EXOC3: variants seen among roughly 807,000 people sequenced by gnomAD.
The protein encoded by EXOC3 is SEC6-like 1.
In EXOC3, 21 loss-of-function variants were observed where a neutral mutation model predicts 73.7. The observed-to-expected ratio is 0.29, with a 90% CI of 0.20 to 0.41. The LOEUF (loss-of-function observed/expected upper bound fraction) is 0.41, where lower values mean the gene tolerates loss of function less well. Ranked by LOEUF, EXOC3 falls within the 10% of genes least tolerant of loss-of-function variation. The pLI, the probability that EXOC3 is intolerant of heterozygous loss-of-function variation, is 1.00. For synonymous variants in EXOC3, 410 were observed against 389.1 expected (o/e 1.05, Z -0.63); for missense variants, 842 against 985.1 (o/e 0.85, Z 1.95).
intron 3 of EXOC3, among the ~76,000 whole-genome samples, chr5:450,031 A>C (rs1284088733): frequency 6.6e-6 from 1 of 152,206 alleles, no homozygotes; most frequent in Non-Finnish European, 1.5e-5. Flanking sequence ...GGATCACCTG[A>C]GGTCAGGAGT....
intron 7 of EXOC3, among the ~76,000 whole-genome samples, chr5:460,594 C>T (rs551409438): frequency 2.6e-5 from 4 of 151,850 alleles, no homozygotes; most frequent in South Asian, 2.1e-4. Flanking sequence ...AGGTCTTAGC[C>T]GAGTCCCCAC....
intron 1 of EXOC3, among the ~76,000 whole-genome samples, chr5:443,518 T>C (rs1326230586): frequency 6.6e-6 from 1 of 151,364 alleles, no homozygotes; most frequent in African/African-American, 2.4e-5. Flanking sequence ...GGCGTAGGTG[T>C]CCCCTTGGCA....
intron 10 of EXOC3, 24 bp from the exon 11 acceptor site, chr5:465,087 C>G: frequency 6.5e-7 from 1 of 1,531,148 alleles, no homozygotes; most frequent in Non-Finnish European, 8.8e-7. Flanking sequence ...TGGAGCCTGC[C>G]GCTGACCGCG....
Position 467,025 on chromosome 5 carries a change from AGT to A in EXOC3, c.*131_*132del. The A allele has an allele frequency of 1.0e-6, 1 of 983,314 alleles. No homozygotes were observed. Among genetic ancestry groups the A allele is most frequent in the Non-Finnish European group, 1.5e-6 (1 of 671,550 alleles). 60.9% of individuals were successfully genotyped at this position (983,314 alleles called of 1,614,324 possible). A position where few individuals can be genotyped will look rare whatever the true frequency, so the allele number is the denominator to read the frequency against. On this transcript the variant is annotated 3_prime_UTR_variant, in exon 13 of 13. Transcript: ENST00000512944. The stretch of plus-strand genomic sequence containing the variant: ...GCTGCACGGCCTGTCTTTAGGTGCC[AGT>A]GTGATGCACCGGGTGTGCGTCGAGT...
chr5:443,807 T>TC (rs376607917), intron 1 of EXOC3, among the ~76,000 whole-genome samples: 264 of 118,908 alleles, frequency 2.2e-3, no homozygotes, highest in Non-Finnish European at 3.2e-3. Flanking sequence ...CTTGACGGTG[T>TC]CCCCCCCCAG....
At chr5:450,788 T>C (rs529519985) in intron 3 of EXOC3, among the ~76,000 whole-genome samples, 3 of 150,306 alleles carry the variant, frequency 2.0e-5, no homozygotes, top group East Asian at 3.9e-4. Context: ...TCTTTGTGAC[T>C]AGTTTTTTTT....
chr5:443,936 G>GT (rs1370346055), intron 1 of EXOC3, among the ~76,000 whole-genome samples: 3 of 151,508 alleles, frequency 2.0e-5, no homozygotes, highest in African/African-American at 7.3e-5. Flanking sequence ...CAAGGTGCAG[G>GT]TGTCCTCCAA....
chr5:459,941 CTG>C (rs1353419910), intron 7 of EXOC3, among the ~76,000 whole-genome samples: 5 of 152,260 alleles, frequency 3.3e-5, no homozygotes, highest in Non-Finnish European at 7.3e-5. Flanking sequence ...GTTTAAAAAA[CTG>C]TGTTCACCCA....
chr5:452,600 G>A (rs988198869), intron 3 of EXOC3, among the ~76,000 whole-genome samples: 1 of 152,194 alleles, frequency 6.6e-6, no homozygotes, highest in Non-Finnish European at 1.5e-5. Context: ...TTTTGTTGTT[G>A]AAAAATGGAC....
chr5:447,456 C>CT (rs1737538741), intron 2 of EXOC3, 77 bp from the exon 3 acceptor site: 1 of 1,094,578 alleles, frequency 9.1e-7, no homozygotes, highest in East Asian at 2.7e-5. Flanking sequence ...CTTGACCCTC[C>CT]TGGGGAAGAT....
chr5:465,264 C>G lies in EXOC3; in HGVS notation c.1930C>G (p.Leu644Val). ...AEQLRFLFRK[L>V]ASGFGEDVDG... ...GCAGCTGCGCTTCCTGTTCCGGAAG[C>G]TGGCGTCCGTGAGTGTCGCGCAGGT... Residue 644 changes from leucine (L) to valine (V), a missense_variant, in exon 11 of 13, where the codon CTG (leucine) becomes GTG (valine). Physicochemically the swap from Leu to Val is conservative, Grantham distance 32. Coordinates refer to ENST00000512944, the MANE Select transcript of EXOC3 (RefSeq NM_007277.5). 1 of 1,583,044 alleles carries G rather than the reference C, an allele frequency of 6.3e-7. No individual in the cohort carries two copies. Among genetic ancestry groups the G allele is most frequent in the South Asian group, 1.2e-5 (1 of 86,570 alleles).
intron 1 of EXOC3, among the ~76,000 whole-genome samples, chr5:445,367 T>TG (rs914667026): frequency 6.6e-6 from 1 of 151,266 alleles, no homozygotes; most frequent in African/African-American, 2.4e-5. Context: ...TTTTTTTTTT[T>TG]GAGACGGAGT....
Position 465,165 on chromosome 5 carries a change from A to T in EXOC3, c.1831A>T (p.Met611Leu). 1 of 1,597,346 alleles carries T rather than the reference A, an allele frequency of 6.3e-7. No individual in the cohort carries two copies. Among genetic ancestry groups the T allele is most frequent in the Non-Finnish European group, 8.5e-7 (1 of 1,172,678 alleles). ...RVVVEYLRAV[M>L]QKRISFRSPE... is the part of the protein sequence containing the mutation. Reference sequence around the variant, plus strand: ...GGTGGTGGAGTACCTGCGGGCGGTCATGCAGAAGCGCATTTCCTTCCGGAG... The same window carrying T: ...GGTGGTGGAGTACCTGCGGGCGGTCTTGCAGAAGCGCATTTCCTTCCGGAG... The change falls in exon 11 of 13, where the codon ATG (methionine) becomes TTG (leucine). Residue 611 changes from methionine (M) to leucine (L), a missense_variant. Transcript: ENST00000512944.
intron 4 of EXOC3, among the ~76,000 whole-genome samples, chr5:456,643 C>T (rs1330042576): frequency 6.6e-6 from 1 of 152,122 alleles, no homozygotes; most frequent in Non-Finnish European, 1.5e-5. Context: ...AGCCCTCGGC[C>T]CCTGCCCTGC....
Position 467,141 on chromosome 5 carries a change from G to A in EXOC3, c.*243G>A. On this transcript the variant is annotated 3_prime_UTR_variant, in exon 13 of 13. Coordinates refer to ENST00000512944, the MANE Select transcript of EXOC3 (RefSeq NM_007277.5). ...CTCTGCCGCACAGCCTCTCTTGGGTGCTTGTTTGTTGCAGTGGTTGAAAGT... is the reference window on the plus strand; with the variant it reads ...CTCTGCCGCACAGCCTCTCTTGGGTACTTGTTTGTTGCAGTGGTTGAAAGT... 1.9e-6 allele frequency: 1 copy of A among 523,684 alleles called. No individual in the cohort carries two copies. Among genetic ancestry groups the A allele is most frequent in the African/African-American group, 1.9e-5 (1 of 52,922 alleles). The allele number at this position is 523,684 out of a possible 1,614,324, so 32.4% of individuals were successfully genotyped here.
In EXOC3 at chr5:464,394, TA is replaced by T; in HGVS notation, c.1763del (p.Lys588SerfsTer7). 1 of 1,613,772 alleles carries T rather than the reference TA, an allele frequency of 6.2e-7. No homozygotes were observed. The highest frequency in any genetic ancestry group is 8.5e-7 in the Non-Finnish European group (1 of 1,179,732). ...ACTATTTCAACGATTTTGCCAAAAT[TA>T]AAAAGCCGTATAAGAAGGTAAGAAG... ...EDYFNDFAKI[K>X]KPYKKRMTAE... is the part of the protein sequence containing the mutation. On this transcript the variant is annotated frameshift_variant, in exon 10 of 13. Transcript: ENST00000512944. LOFTEE classifies it high-confidence loss of function.
intron 4 of EXOC3, among the ~76,000 whole-genome samples, chr5:454,980 A>T (rs538436164): frequency 2.0e-5 from 3 of 151,380 alleles, no homozygotes; most frequent in Non-Finnish European, 4.4e-5. Flanking sequence ...AAGAGAAAGG[A>T]AGCGCCCCCT....
intron 9 of EXOC3, 90 bp downstream of exon 9, chr5:462,397 G>A (rs1408560864): frequency 1.6e-5 from 23 of 1,445,094 alleles, no homozygotes; most frequent in East Asian, 6.9e-5. Flanking sequence ...GAACTGTACC[G>A]TGCGGATGCC....
chr5:454,123 C>T (rs916325387), intron 4 of EXOC3, 72 bp downstream of exon 4: 1 of 1,309,472 alleles, frequency 7.6e-7, no homozygotes, highest in South Asian at 1.4e-5. Context: ...CAGCTGCTTG[C>T]TGGAGAGCCG....
Sources: allele counts gnomAD v4.1 joint callset (sites outside exome capture counted in the v4.1 genomes callset), GRCh38; gene constraint gnomAD v4.1.1; transcripts MANE v1.5; gene names NCBI Gene and HGNC (gene_info 2026-07-23, HGNC 2026-07-21).